The following FBXO34 variants were observed in gnomAD, a reference collection of about 807,000 sequenced individuals.
The protein encoded by FBXO34 is F-box only protein 34.
Under a neutral mutation model 24.5 loss-of-function variants are expected in FBXO34, and 12 were observed. The observed-to-expected ratio is 0.49, with a 90% CI of 0.31 to 0.79. The LOEUF is 0.79. Ranked by LOEUF, FBXO34 falls within the 30% of genes least tolerant of loss-of-function variation. FBXO34 has a pLI of 0.04. For missense variants in FBXO34, 823 were observed against 857.7 expected (o/e 0.96, Z 0.51); for synonymous variants, 320 against 311.9 (o/e 1.03, Z -0.27).
At chr14:55,354,843 G>A (rs902350246), downstream of FBXO34, among the ~76,000 whole-genome samples, 1 of 152,060 alleles carries the variant, frequency 6.6e-6, no homozygotes, top group Admixed American at 6.6e-5. Context: ...CTTTTAAAAT[G>A]TCTCCAGTAG....
At chr14:55,364,434 T>G (rs143128043), downstream of FBXO34, among the ~76,000 whole-genome samples, 879 of 152,182 alleles carry the variant, frequency 5.8e-3, 12 homozygotes, top group African/African-American at 0.019. Context: ...TGGTTTTGTG[T>G]TGTTGTTGTT....
At chr14:55,344,807 A>G (rs951724747) in intron 1 of FBXO34, among the ~76,000 whole-genome samples, 3 of 151,948 alleles carry the variant, frequency 2.0e-5, no homozygotes, top group African/African-American at 7.3e-5. Flanking sequence ...CACAGTGAGA[A>G]CATGCGGTGT....
At chr14:55,323,221 A>T (rs897870962) in intron 1 of FBXO34, among the ~76,000 whole-genome samples, 20 of 29,882 alleles carry the variant, frequency 6.7e-4, no homozygotes, top group South Asian at 4.2e-3. Flanking sequence ...AAAAAAAAAT[A>T]TATATTTTTT....
the FBXO34 span, among the ~76,000 whole-genome samples, chr14:55,416,888 G>A: frequency 5.9e-5 from 9 of 152,200 alleles, no homozygotes; most frequent in Non-Finnish European, 8.8e-5. Context: ...ATTTTGGACA[G>A]CCATGAACTT....
the FBXO34 span, chr14:55,428,815 C>A: frequency 1.2e-6 from 2 of 1,613,866 alleles, no homozygotes; most frequent in Non-Finnish European, 1.7e-6. Context: ...ACCTACTGAA[C>A]TGCTGATGGG....
the FBXO34 span, among the ~76,000 whole-genome samples, chr14:55,424,936 GA>G: frequency 2.6e-5 from 4 of 152,302 alleles, no homozygotes; most frequent in Admixed American, 1.3e-4. Flanking sequence ...CTACCAAAAA[GA>G]AGTCAGGAAG....
the FBXO34 span, among the ~76,000 whole-genome samples, chr14:55,391,471 T>TAAAAAAAAA: frequency 6.2e-4 from 47 of 75,792 alleles, no homozygotes; most frequent in Non-Finnish European, 1.2e-3. Flanking sequence ...TGAGACTCCA[T>TAAAAAAAAA]AAAAAAAAAA....
At chr14:55,362,353 T>C (rs761407944), downstream of FBXO34, among the ~76,000 whole-genome samples, 2 of 152,156 alleles carry the variant, frequency 1.3e-5, no homozygotes, top group African/African-American at 2.4e-5. Context: ...ATAACAGATA[T>C]AATGAAGAGA....
At chr14:55,380,777 T>C in the FBXO34 span, 1 of 874,344 alleles carries the variant, frequency 1.1e-6, no homozygotes, top group Non-Finnish European at 1.8e-6. Flanking sequence ...TATGATTTTA[T>C]CATGATAGCA....
At chr14:55,430,859 CTAAT>C in the FBXO34 span, among the ~76,000 whole-genome samples, 27 of 152,186 alleles carry the variant, frequency 1.8e-4, no homozygotes, top group African/African-American at 6.3e-4. Flanking sequence ...TTTTGCCTAA[CTAAT>C]CTATTACATT....
intron 1 of FBXO34, among the ~76,000 whole-genome samples, chr14:55,293,304 A>C (rs1398630621): frequency 6.6e-6 from 1 of 151,812 alleles, no homozygotes; most frequent in Non-Finnish European, 1.5e-5. Context: ...CAGCCACTCG[A>C]GTAGCTGGGA....
chr14:55,378,278 C>A, the FBXO34 span, among the ~76,000 whole-genome samples: 4 of 152,222 alleles, frequency 2.6e-5, no homozygotes, highest in African/African-American at 7.2e-5. Context: ...AATGCACATA[C>A]CCTTTGACCA....
the FBXO34 span, among the ~76,000 whole-genome samples, chr14:55,425,179 C>T: frequency 6.6e-6 from 1 of 152,270 alleles, no homozygotes; most frequent in South Asian, 2.1e-4. Flanking sequence ...TCTTGCCCAT[C>T]TCAAGTATAG....
chr14:55,385,733 C>T, the FBXO34 span: 1 of 879,528 alleles, frequency 1.1e-6, no homozygotes, highest in Non-Finnish European at 1.7e-6. Context: ...ACAGATAAGA[C>T]TTATGTTCCA....
intron 1 of FBXO34, among the ~76,000 whole-genome samples, chr14:55,339,953 A>G (rs1185876123): frequency 2.6e-5 from 4 of 152,322 alleles, no homozygotes; most frequent in East Asian, 1.9e-4. Flanking sequence ...GGTAAACACT[A>G]TGGGGCCTAT....
intron 1 of FBXO34, among the ~76,000 whole-genome samples, chr14:55,288,601 A>G (rs1219732559): frequency 6.6e-6 from 1 of 152,230 alleles, no homozygotes; most frequent in Non-Finnish European, 1.5e-5. Context: ...CTTTCAAATG[A>G]TCCTACTTGT....
chr14:55,319,648 T>C (rs899231742), intron 1 of FBXO34, among the ~76,000 whole-genome samples: 1 of 152,148 alleles, frequency 6.6e-6, no homozygotes, highest in Non-Finnish European at 1.5e-5. Context: ...GGACCAACAT[T>C]CTATATAGTG....
intron 1 of FBXO34, among the ~76,000 whole-genome samples, chr14:55,296,401 T>G (rs533726498): frequency 0.06 from 8,165 of 135,244 alleles, 375 homozygotes; most frequent in South Asian, 0.096. Context: ...GTTTTTTTTT[T>G]TTTTTTTTTT....
the FBXO34 span, among the ~76,000 whole-genome samples, chr14:55,378,966 C>G: frequency 5.9e-5 from 9 of 152,130 alleles, no homozygotes; most frequent in Non-Finnish European, 1.5e-5. Flanking sequence ...CCTCAGCTTC[C>G]CAAAGTGCTG....
Sources: allele counts gnomAD v4.1 joint callset (sites outside exome capture counted in the v4.1 genomes callset), GRCh38; gene constraint gnomAD v4.1.1; transcripts MANE v1.5; gene names NCBI Gene and HGNC (gene_info 2026-07-23, HGNC 2026-07-21).